Variants in SPTA1 observed in about 807,000 individuals in gnomAD.
The protein encoded by SPTA1 is spectrin alpha chain, erythrocytic 1.
SPTA1 carries 177 observed loss-of-function variants against 324.7 expected under a neutral mutation model. The observed-to-expected ratio is 0.55, with a 90% CI of 0.48 to 0.62. SPTA1 has a LOEUF of 0.62. Among genes scored for constraint, SPTA1 ranks in the 20% least tolerant of loss-of-function variants. The probability of loss-of-function intolerance (pLI) is 0.00; values close to 1 mark genes in which losing one functional copy is unlikely to be tolerated. For missense variants in SPTA1, 3,162 were observed against 2,883.6 expected (o/e 1.10, Z -2.21); for synonymous variants, 1,195 against 1,041.3 (o/e 1.15, Z -2.84).
chr1:158,652,600 C>A lies in SPTA1; in HGVS notation c.3242G>T (p.Arg1081Leu), dbSNP rs1036744924. 6.2e-7 allele frequency: 1 copy of A among 1,614,094 alleles called. No homozygotes were observed. The change falls in exon 23 of 52, where the codon CGT becomes CTT. Residue 1081 changes from arginine to leucine, a missense_variant. Physicochemically the swap from Arg to Leu is moderately radical, Grantham distance 102. Coordinates refer to ENST00000643759, the MANE Select transcript of SPTA1 (RefSeq NM_003126.4). ...AEERRRRLLQ[R>L]YNEFLLAYEA... is the part of the protein sequence containing the mutation. ...ATAGGCCAATAAAAATTCATTATAA[C>A]GTTGCAATAGACGACGTCTGCGTTC... is the stretch of plus-strand genomic sequence containing the variant.
intron 29 of SPTA1, 137 bp from the exon 30 acceptor site, chr1:158,644,533 A>C: frequency 1.0e-6 from 1 of 996,136 alleles, no homozygotes; most frequent in South Asian, 1.4e-5. Flanking sequence ...CTCATGTGAC[A>C]AATCTTAGCT....
At position 158,685,248 on chromosome 1, in the gene SPTA1, C is replaced by T. The variant is rs770828837; in HGVS notation, c.124G>A (p.Val42Ile). 4.3e-6 allele frequency: 7 copies of T among 1,613,746 alleles called. No homozygotes were observed. The East Asian group carries it at 1.3e-4, about 31-fold the overall frequency. The stretch of plus-strand genomic sequence containing the variant: ...TCAAGCTTCTGACCCCTCTCAGCGA[C>T]CCGCTCCTTGAAACTTTGATACCGA... ...LTRYQSFKER[V>I]AERGQKLEDS... The change falls in exon 2 of 52, where the codon GTC becomes ATC. Residue 42 changes from valine to isoleucine, a missense_variant. Transcript: ENST00000643759.
At chr1:158,619,128 CAG>C in intron 45 of SPTA1, 92 bp downstream of exon 45, 1 of 1,202,558 alleles carries the variant, frequency 8.3e-7, no homozygotes, top group Non-Finnish European at 1.2e-6. Flanking sequence ...TACATGCTCT[CAG>C]AGTCTCTCCT....
Position 158,672,090 on chromosome 1 carries a change from T to C in SPTA1, c.1457A>G (p.Glu486Gly). The change falls in exon 11 of 52, where the codon GAG (glutamate) becomes GGG (glycine). Residue 486 changes from glutamate to glycine, a missense_variant. Physicochemically the swap from Glu to Gly is moderately conservative, Grantham distance 98 (BLOSUM62 -2). Transcript: ENST00000643759. ...LDFHLFYRDSEQVDSWMSRQE... is the reference protein window; with the variant it reads ...LDFHLFYRDSGQVDSWMSRQE... ...TCTACTCATCCAACTGTCCACTTGC[T>C]CACTGTCTCTGTAGAAGAGATGAAA... The C allele has an allele frequency of 1.2e-6, 2 of 1,614,078 alleles. No individual in the cohort carries two copies. Among genetic ancestry groups the C allele is most frequent in the Non-Finnish European group, 1.7e-6 (2 of 1,179,978 alleles).
At chr1:158,655,805 C>A (rs921210556) in intron 20 of SPTA1, among the ~76,000 whole-genome samples, 1 of 152,140 alleles carries the variant, frequency 6.6e-6, no homozygotes, top group African/African-American at 2.4e-5. Context: ...TGCCCTGTAC[C>A]TGAGCCATTC....
At chr1:158,648,109 T>G (rs1652135707) in intron 26 of SPTA1, among the ~76,000 whole-genome samples, 1 of 152,156 alleles carries the variant, frequency 6.6e-6, no homozygotes, top group Non-Finnish European at 1.5e-5. Context: ...GAAACAGAGT[T>G]AAACAACTCA....
At chr1:158,634,462 A>G (rs1650910308) in intron 39 of SPTA1, 81 bp downstream of exon 39, 5 of 1,569,216 alleles carry the variant, frequency 3.2e-6, no homozygotes, top group Admixed American at 1.7e-5. Flanking sequence ...ATGTCCTAAT[A>G]TTACAGGTAA....
chr1:158,617,463 T>C, intron 47 of SPTA1, 74 bp downstream of exon 47: 1 of 1,259,682 alleles, frequency 7.9e-7, no homozygotes, highest in East Asian at 2.4e-5. Context: ...TCACCTGGGC[T>C]TCCCTTAGGT....
rs1028553436 is a variant in SPTA1 at position 158,661,155 on chromosome 1, G to A, written c.2587+132C>T. The stretch of plus-strand genomic sequence containing the variant: ...AACCATATGCCCATTTGTCAGAAAT[G>A]CCAAAAGAGCATTAAGTGGGAAAAT... On this transcript the variant is annotated intron_variant, in intron 18 of 51. Transcript: ENST00000643759. The A allele has an allele frequency of 6.5e-6, 9 of 1,393,588 alleles. No individual in the cohort carries two copies. In the African/African-American group the frequency reaches 1.1e-4, roughly 18 times the overall value. 86.3% of individuals were successfully genotyped at this position (1,393,588 alleles called of 1,614,324 possible).
chr1:158,662,255 G>A (rs1378714222), intron 17 of SPTA1, among the ~76,000 whole-genome samples: 4 of 152,104 alleles, frequency 2.6e-5, no homozygotes, highest in Non-Finnish European at 4.4e-5. Context: ...TACTGGCTTC[G>A]ACACTGGTGA....
Position 158,645,378 on chromosome 1 carries a change from C to A in SPTA1, c.4004G>T (p.Arg1335Leu). The A allele has an allele frequency of 6.2e-7, 1 of 1,613,916 alleles. No homozygotes were observed. The highest frequency in any genetic ancestry group is 8.5e-7 in the Non-Finnish European group (1 of 1,179,916). Reference protein sequence around the residue: ...EILLERHQEHRADMEAEAPTF... With the variant: ...EILLERHQEHLADMEAEAPTF... ...GGGAGCCTCTGCCTCCATGTCAGCA[C>A]GGTGCTCCTGTGGGAAAAAGGGGGA... is the stretch of plus-strand genomic sequence containing the variant. Residue 1335 changes from arginine to leucine, a missense_variant, in exon 29 of 52, where the codon CGT becomes CTT. Arg to Leu is a moderately radical substitution (Grantham distance 102). Coordinates refer to ENST00000643759, the MANE Select transcript of SPTA1 (RefSeq NM_003126.4).
At chr1:158,629,057 T>A (rs182464894) in intron 39 of SPTA1, among the ~76,000 whole-genome samples, 7 of 152,018 alleles carry the variant, frequency 4.6e-5, no homozygotes, top group African/African-American at 1.7e-4. Flanking sequence ...GAGGGAACAT[T>A]TCTAAACACC....
chr1:158,617,887 A>G, intron 46 of SPTA1, 152 bp downstream of exon 46: 1 of 783,144 alleles, frequency 1.3e-6, no homozygotes. Context: ...GGCAGAATGA[A>G]ATATAATGAG....
rs1651109720 is a variant in SPTA1, at chr1:158,636,732, T to C, written c.5219A>G (p.Asp1740Gly). 6.2e-7 allele frequency: 1 copy of C among 1,614,096 alleles called. No homozygotes were observed. The highest frequency in any genetic ancestry group is 8.5e-7 in the Non-Finnish European group (1 of 1,179,980). The change falls in exon 37 of 52, where the codon GAC (aspartate) becomes GGC (glycine). Residue 1740 changes from aspartate to glycine, a missense_variant. Asp to Gly is a moderately conservative substitution (Grantham distance 94). Transcript: ENST00000643759. ...AACCCCCTGAAGATCTCTCCCATAG[T>C]CCTGGGAGCTCACTCGTATCAACTT... Reference protein sequence around the residue: ...EEKLIRVSSQDYGRDLQGVQN... With the variant: ...EEKLIRVSSQGYGRDLQGVQN...
chr1:158,654,632 C>T lies in SPTA1; in HGVS notation c.3015G>A (p.Thr1005=), dbSNP rs778639504. 3.5e-5 allele frequency: 56 copies of T among 1,613,580 alleles called. No individual in the cohort carries two copies. The highest frequency in any genetic ancestry group is 1.6e-4 in the Middle Eastern group (1 of 6,078). ...EVTMKKGDVL[T]LLSSINKDWW... ...TCACCTTATTGATGGAACTGAGCAGCGTTAAGACATCACCTTTCTTCATGG... is the reference window on the plus strand; with the variant it reads ...TCACCTTATTGATGGAACTGAGCAGTGTTAAGACATCACCTTTCTTCATGG... Residue 1005 remains threonine, a synonymous_variant, in exon 21 of 52, where the codon ACG becomes ACA. Coordinates refer to ENST00000643759, the MANE Select transcript of SPTA1 (RefSeq NM_003126.4).
At position 158,611,133 on chromosome 1, in the gene SPTA1, A is replaced by ACG; in HGVS notation, c.*130_*131insCG. On this transcript the variant is annotated 3_prime_UTR_variant, in exon 52 of 52. Coordinates refer to ENST00000643759, the MANE Select transcript of SPTA1 (RefSeq NM_003126.4). ...ATGTAATATGCACACAAACACAAGC[A>ACG]CACACACACACACACACACACACAC... 5.0e-6 allele frequency: 1 copy of ACG among 199,650 alleles called. No homozygotes were observed. Among genetic ancestry groups the ACG allele is most frequent in the Non-Finnish European group, 7.7e-6 (1 of 129,762 alleles). The allele number at this position is 199,650 out of a possible 1,614,324, so 12.4% of individuals were successfully genotyped here.
At chr1:158,674,868 A>G (rs1020694042) in intron 8 of SPTA1, among the ~76,000 whole-genome samples, 193 bp from the exon 9 acceptor site, 2 of 152,142 alleles carry the variant, frequency 1.3e-5, no homozygotes, top group Non-Finnish European at 2.9e-5. Flanking sequence ...CCTTCACCCC[A>G]GGTTTTATAT....
At chr1:158,680,475 G>C in intron 5 of SPTA1, 108 bp downstream of exon 5, 1 of 1,518,182 alleles carries the variant, frequency 6.6e-7, no homozygotes. Flanking sequence ...GCCAACCTCT[G>C]TTTTCTCACA....
chr1:158,627,159 G>A (rs1650333060), intron 40 of SPTA1, 152 bp from the exon 41 acceptor site: 8 of 919,192 alleles, frequency 8.7e-6, no homozygotes, highest in Non-Finnish European at 1.4e-5. Context: ...GAGGTAGGGA[G>A]TCATCTCTGT....
Sources: gnomAD v4.1 joint callset for allele counts (sites outside exome capture counted in the v4.1 genomes callset) on GRCh38, gnomAD v4.1.1 for gene constraint, MANE v1.5 for transcripts, NCBI Gene and HGNC (gene_info 2026-07-23, HGNC 2026-07-21) for gene names.